TSKU: variants seen among roughly 807,000 people sequenced by gnomAD.
TSKU encodes tsukushi.
In TSKU, 4 loss-of-function variants were observed where a neutral mutation model predicts 11.2. That is an observed-to-expected ratio of 0.36 (90% CI 0.18 to 0.82). The LOEUF is 0.82. Ranked by LOEUF, TSKU falls within the 40% of genes least tolerant of loss-of-function variation. TSKU has a pLI of 0.50. For missense variants in TSKU, 407 were observed against 482.5 expected, an observed-to-expected ratio of 0.84 and a Z score of 1.47; for synonymous variants, 220 against 232.2, an observed-to-expected ratio of 0.95 and a Z score of 0.48.
chr11:76,790,447 A>C (rs1354128558), intron 1 of TSKU, among the ~76,000 whole-genome samples: 9 of 152,176 alleles, frequency 5.9e-5, no homozygotes, highest in African/African-American at 1.2e-4. Flanking sequence ...AACGATCTCT[A>C]GCCCTTGCGG....
chr11:76,787,352 A>T lies in TSKU; in HGVS notation c.-9+3948A>T, dbSNP rs561597974. Among the ~76,000 whole-genome samples, 9 of 152,294 alleles carry T rather than the reference A, an allele frequency of 5.9e-5. No individual in the cohort carries two copies. The South Asian group carries it at 1.9e-3, about 32-fold the overall frequency. On this transcript the variant is annotated intron_variant, in intron 1 of 1. Transcript: ENST00000333090. ...GGGAGCCTTGCCCATCTCCCTGTAGATTATCCTCCTTGGGTAAGTTGCTAG... is the reference window on the plus strand; with the variant it reads ...GGGAGCCTTGCCCATCTCCCTGTAGTTTATCCTCCTTGGGTAAGTTGCTAG...
chr11:76,795,785 C>A lies in TSKU; in HGVS notation c.169C>A (p.Pro57Thr). The change falls in exon 2 of 2, where the codon CCT (proline) becomes ACT (threonine). Residue 57 changes from proline (P) to threonine (T), a missense_variant. Physicochemically the swap from Pro to Thr is conservative, Grantham distance 38. Transcript: ENST00000333090. ...LGPHIMPVPIPLDTAHLDLSS... is the reference protein window; with the variant it reads ...LGPHIMPVPITLDTAHLDLSS... ...CCCCCACATCATGCCGGTGCCCATC[C>A]CTCTGGACACAGCCCACTTGGACCT... The A allele has an allele frequency of 1.2e-6, 2 of 1,614,136 alleles. No homozygotes were observed. Among genetic ancestry groups the A allele is most frequent in the Non-Finnish European group, 1.7e-6 (2 of 1,180,034 alleles).
chr11:76,787,403 A>C (rs564355044), intron 1 of TSKU, among the ~76,000 whole-genome samples: 1 of 152,302 alleles, frequency 6.6e-6, no homozygotes, highest in South Asian at 2.1e-4. Flanking sequence ...CGATCATGTC[A>C]TGGAGGAGGC....
At position 76,795,845 on chromosome 11, in the gene TSKU, G is replaced by A. The variant is rs1254356164; in HGVS notation, c.229G>A (p.Val77Met). 3.1e-6 allele frequency: 5 copies of A among 1,614,010 alleles called. 1 individual carries two copies. In the South Asian group the frequency reaches 4.4e-5, roughly 14 times the overall value. ...SNRLEMVNES[V>M]LAGPGYTTLA... ...CCGGCTGGAGATGGTGAATGAGTCG[G>A]TGTTGGCGGGGCCGGGCTACACGAC... The change falls in exon 2 of 2, where the codon GTG becomes ATG. Residue 77 changes from valine (V) to methionine (M), a missense_variant. Transcript: ENST00000333090.
At chr11:76,794,203 C>T (rs1312186069) in intron 1 of TSKU, among the ~76,000 whole-genome samples, 9 of 152,216 alleles carry the variant, frequency 5.9e-5, no homozygotes, top group Non-Finnish European at 1.2e-4. Context: ...CACTGCCCAA[C>T]CCTCTCCTTC....
intron 1 of TSKU, among the ~76,000 whole-genome samples, chr11:76,785,900 C>A (rs1392076788): frequency 6.6e-6 from 1 of 152,126 alleles, no homozygotes; most frequent in Non-Finnish European, 1.5e-5. Flanking sequence ...TGGCCTGGGA[C>A]AAGTAACTTA....
At chr11:76,783,282 A>T (rs1336435942), upstream of TSKU, 2 of 148,290 alleles carry the variant, frequency 1.3e-5, no homozygotes, top group Non-Finnish European at 1.5e-5. Context: ...GGCAGGGGGG[A>T]GCCTGGCTGC....
At chr11:76,787,900 A>G (rs946614333) in intron 1 of TSKU, among the ~76,000 whole-genome samples, 34 of 152,232 alleles carry the variant, frequency 2.2e-4, no homozygotes, top group African/African-American at 8.2e-4. Flanking sequence ...GTGTCTGCAA[A>G]ATAGGGACAG....
intron 1 of TSKU, among the ~76,000 whole-genome samples, chr11:76,793,757 A>C (rs982988867): frequency 1.3e-5 from 2 of 151,860 alleles, no homozygotes; most frequent in Non-Finnish European, 2.9e-5. Flanking sequence ...CCCAGGATGC[A>C]CCTGGGCTGG....
chr11:76,791,189 A>C (rs1429490511), intron 1 of TSKU, among the ~76,000 whole-genome samples: 3 of 152,236 alleles, frequency 2.0e-5, no homozygotes, highest in African/African-American at 7.2e-5. Flanking sequence ...GAAAGCATTC[A>C]AGAGGTGACC....
upstream of TSKU, chr11:76,782,348 A>C (rs1290959541): frequency 6.6e-6 from 1 of 151,756 alleles, no homozygotes; most frequent in Non-Finnish European, 1.5e-5. Context: ...GGCCCTCCAA[A>C]GTCTAGGAGA....
chr11:76,784,505 C>G (rs1590815154), intron 1 of TSKU: 2 of 152,454 alleles, frequency 1.3e-5, no homozygotes, highest in Admixed American at 1.3e-4. Flanking sequence ...CTGTGCGGCG[C>G]TGGCAAGTTG....
rs11546727 is a variant in TSKU, at chr11:76,795,844, G to A, written c.228G>A (p.Ser76=). 0.05 allele frequency: 80,156 copies of A among 1,613,914 alleles called. 2,362 individuals are homozygous for A. Among genetic ancestry groups the A allele is most frequent in the African/African-American group, 0.088 (6,586 of 75,006 alleles). ...SSNRLEMVNE[S]VLAGPGYTTL... ...ACCGGCTGGAGATGGTGAATGAGTC[G>A]GTGTTGGCGGGGCCGGGCTACACGA... Residue 76 remains serine, a synonymous_variant, in exon 2 of 2, where the codon TCG becomes TCA. Transcript: ENST00000333090.
At chr11:76,787,163 AG>A (rs1420140960) in intron 1 of TSKU, among the ~76,000 whole-genome samples, 5 of 152,224 alleles carry the variant, frequency 3.3e-5, no homozygotes, top group Non-Finnish European at 7.3e-5. Flanking sequence ...AGCAAGCCTC[AG>A]AGCAGTGAAG....
intron 1 of TSKU, among the ~76,000 whole-genome samples, chr11:76,794,471 C>G (rs557188717): frequency 1.3e-5 from 2 of 152,350 alleles, no homozygotes; most frequent in African/African-American, 4.8e-5. Flanking sequence ...TCTGCCAGTC[C>G]TGCTGGAGGC....
At chr11:76,786,480 C>G (rs1944313539) in intron 1 of TSKU, among the ~76,000 whole-genome samples, 1 of 152,050 alleles carries the variant, frequency 6.6e-6, no homozygotes, top group South Asian at 2.1e-4. Context: ...CTAGAAGAGT[C>G]ACAGGCCTCT....
chr11:76,794,050 G>A (rs1944409045), intron 1 of TSKU, among the ~76,000 whole-genome samples: 1 of 152,194 alleles, frequency 6.6e-6, no homozygotes, highest in Admixed American at 6.5e-5. Flanking sequence ...TGGGCAGGAG[G>A]GCAGGGGCCC....
At chr11:76,788,559 C>T (rs985559072) in intron 1 of TSKU, among the ~76,000 whole-genome samples, 8 of 152,142 alleles carry the variant, frequency 5.3e-5, no homozygotes, top group Admixed American at 2.0e-4. Context: ...AGCAAATCAC[C>T]GTCATTGTCT....
At chr11:76,788,245 C>T (rs1337740253) in intron 1 of TSKU, among the ~76,000 whole-genome samples, 1 of 151,796 alleles carries the variant, frequency 6.6e-6, no homozygotes, top group African/African-American at 2.4e-5. Context: ...GTGCTGGGGC[C>T]CTGTACCAGT....
Sources: allele counts gnomAD v4.1 joint callset (sites outside exome capture counted in the v4.1 genomes callset), GRCh38; gene constraint gnomAD v4.1.1; transcripts MANE v1.5; gene names NCBI Gene and HGNC (gene_info 2026-07-23, HGNC 2026-07-21).